CCDC181: variants seen among roughly 807,000 people sequenced by gnomAD.
The protein encoded by CCDC181 is coiled-coil domain containing 181.
In CCDC181, 35 loss-of-function variants were observed where a neutral mutation model predicts 58.7. The observed-to-expected ratio is 0.60, with a 90% CI of 0.46 to 0.79. The LOEUF (loss-of-function observed/expected upper bound fraction) is 0.79. Among genes scored for constraint, CCDC181 ranks in the 30% least tolerant of loss-of-function variants. The pLI, the probability that CCDC181 is intolerant of heterozygous loss-of-function variation, is 0.00. For missense variants in CCDC181, 517 were observed against 583.9 expected, an observed-to-expected ratio of 0.89 and a Z score of 1.18; for synonymous variants, 183 against 197.5, an observed-to-expected ratio of 0.93 and a Z score of 0.62.
At chr1:169,445,370 A>T (rs569112379) in intron 2 of CCDC181, among the ~76,000 whole-genome samples, 1 of 103,114 alleles carries the variant, frequency 9.7e-6, no homozygotes, top group African/African-American at 3.5e-5. Context: ...GTTTTGTCAA[A>T]TGCTTTTTCT....
upstream of CCDC181, among the ~76,000 whole-genome samples, chr1:169,428,304 A>C (rs750324948): frequency 1.2e-4 from 19 of 152,198 alleles, no homozygotes; most frequent in Non-Finnish European, 2.5e-4. Context: ...TCAGCGCTTG[A>C]AAAAAGACGC....
At position 169,422,192 on chromosome 1, in the gene CCDC181, C is replaced by G. The variant is rs1656508920; in HGVS notation, c.239G>C (p.Arg80Thr). The G allele has an allele frequency of 1.2e-6, 2 of 1,613,798 alleles. No homozygotes were observed. The highest frequency in any genetic ancestry group is 1.7e-6 in the Non-Finnish European group (2 of 1,179,876). ...ACCTGGTACAGAAATGATGTCATTT[C>G]TTCTTGGTGAGACCTCATCCTGCAA... Reference protein sequence around the residue: ...KSLQDEVSPRRNDIISVPGIQ... With the variant: ...KSLQDEVSPRTNDIISVPGIQ... The change falls in exon 3 of 6, where the codon AGA becomes ACA. Residue 80 changes from arginine (R) to threonine (T), a missense_variant. Coordinates refer to ENST00000367806, the MANE Select transcript of CCDC181 (RefSeq NM_001300969.2).
intron 4 of CCDC181, among the ~76,000 whole-genome samples, chr1:169,413,187 A>G (rs1571480999): frequency 6.6e-6 from 1 of 152,110 alleles, no homozygotes; most frequent in Non-Finnish European, 1.5e-5. Flanking sequence ...AAAACAAACA[A>G]CCCCATCAAA....
intron 4 of CCDC181, among the ~76,000 whole-genome samples, chr1:169,401,590 T>C (rs1655351711): frequency 6.6e-6 from 1 of 152,240 alleles, no homozygotes; most frequent in Non-Finnish European, 1.5e-5. Context: ...GTGAGGGTCC[T>C]GACTGTTAGA....
At position 169,440,931 on chromosome 1, in the gene CCDC181, T is replaced by TAA. The variant is rs72040890; in HGVS notation, c.-23-15983_-23-15982dup. ...GCCCAGGCAACAGAGCAAGACTGTC[T>TAA]AAAAAAAAAAAAAAGGCAAGATGAG... On this transcript the variant is annotated intron_variant, in intron 2 of 6. Transcript: ENST00000545005. Among the ~76,000 whole-genome samples the TAA allele has an allele frequency of 9.1e-5, 7 of 76,896 alleles. 1 individual carries two copies. Among genetic ancestry groups the TAA allele is most frequent in the Non-Finnish European group, 1.4e-4 (5 of 36,536 alleles). The allele number at this position is 76,896 out of a possible 152,430, so 50.4% of individuals were successfully genotyped here.
At chr1:169,418,446 T>C (rs1354970474) in intron 4 of CCDC181, among the ~76,000 whole-genome samples, 1 of 151,990 alleles carries the variant, frequency 6.6e-6, no homozygotes, top group Non-Finnish European at 1.5e-5. Context: ...TAAAAGTGGT[T>C]ATCACTGGAG....
chr1:169,442,919 A>G (rs1256918053), intron 2 of CCDC181: 1 of 152,034 alleles, frequency 6.6e-6, no homozygotes, highest in African/African-American at 2.4e-5. Flanking sequence ...TTGAGGTAAC[A>G]GTTGAGACTT....
chr1:169,398,800 G>GTGAC (rs1248789501), intron 4 of CCDC181, among the ~76,000 whole-genome samples: 1 of 152,150 alleles, frequency 6.6e-6, no homozygotes, highest in Non-Finnish European at 1.5e-5. Flanking sequence ...ATAAAAATAA[G>GTGAC]TGACTGACTG....
chr1:169,402,394 G>T (rs1655402431), intron 4 of CCDC181, among the ~76,000 whole-genome samples: 1 of 152,100 alleles, frequency 6.6e-6, no homozygotes, highest in African/African-American at 2.4e-5. Context: ...AAATGTTAAG[G>T]GCAGCCAGAG....
intron 4 of CCDC181, among the ~76,000 whole-genome samples, chr1:169,402,488 T>A (rs1176840921): frequency 1.3e-5 from 2 of 151,776 alleles, no homozygotes; most frequent in African/African-American, 4.8e-5. Flanking sequence ...CAGAAGAGAG[T>A]GGGGGCCAAT....
chr1:169,406,995 G>C (rs142179782), intron 4 of CCDC181, among the ~76,000 whole-genome samples: 1 of 146,956 alleles, frequency 6.8e-6, no homozygotes, highest in African/African-American at 2.5e-5. Flanking sequence ...TGAGATAATA[G>C]CAAGTCTTCT....
chr1:169,421,759 T>G lies in CCDC181; in HGVS notation c.672A>C (p.Lys224Asn), dbSNP rs779806265. 2.1e-5 allele frequency: 34 copies of G among 1,614,124 alleles called. No individual in the cohort carries two copies. Among genetic ancestry groups the G allele is most frequent in the Non-Finnish European group, 2.6e-5 (31 of 1,180,020 alleles). ...TGTCTTGTAAATTCAGAAGTTCAAATTTTCCATCTCTCTCTACCAGTATTG... is the reference window on the plus strand; with the variant it reads ...TGTCTTGTAAATTCAGAAGTTCAAAGTTTCCATCTCTCTCTACCAGTATTG... ...DRTILVERDG[K>N]FELLNLQDIA... The change falls in exon 3 of 6, where the codon AAA (lysine) becomes AAC (asparagine). Residue 224 changes from lysine (K) to asparagine (N), a missense_variant. Lys to Asn is a moderately conservative substitution (Grantham distance 94). Transcript: ENST00000367806.
intron 2 of CCDC181, among the ~76,000 whole-genome samples, chr1:169,457,947 T>C (rs1241097356): frequency 2.0e-5 from 3 of 152,146 alleles, no homozygotes; most frequent in Admixed American, 6.6e-5. Context: ...TATATAAATA[T>C]TTAGACAATA....
chr1:169,407,411 G>A (rs1226682834), intron 4 of CCDC181, among the ~76,000 whole-genome samples: 1 of 151,984 alleles, frequency 6.6e-6, no homozygotes, highest in Non-Finnish European at 1.5e-5. Context: ...ATTCTTCGGT[G>A]ATTTTCCACA....
chr1:169,453,435 A>T (rs1657601467), intron 2 of CCDC181, among the ~76,000 whole-genome samples: 1 of 152,126 alleles, frequency 6.6e-6, no homozygotes, highest in African/African-American at 2.4e-5. Flanking sequence ...CTAGATTTTC[A>T]TACAACCCTT....
chr1:169,429,164 A>G (rs1203259777), upstream of CCDC181, among the ~76,000 whole-genome samples: 2 of 152,182 alleles, frequency 1.3e-5, no homozygotes, highest in Admixed American at 6.5e-5. Flanking sequence ...GTAGTATTCC[A>G]TGGTATGTAT....
chr1:169,426,474 G>C (rs1656716998), intron 1 of CCDC181, among the ~76,000 whole-genome samples: 1 of 152,180 alleles, frequency 6.6e-6, no homozygotes, highest in African/African-American at 2.4e-5. Context: ...ACTGTAGTAA[G>C]AGACGGAAAT....
intron 2 of CCDC181, among the ~76,000 whole-genome samples, chr1:169,457,413 A>G (rs1381138087): frequency 1.3e-5 from 2 of 151,982 alleles, no homozygotes; most frequent in African/African-American, 2.4e-5. Context: ...TATATTTTTT[A>G]ATCTCCTATC....
In CCDC181 at chr1:169,445,009, C is replaced by G. The variant is rs534887109; in HGVS notation, c.-24+14788G>C. On this transcript the variant is annotated intron_variant, in intron 2 of 6. Coordinates refer to the CCDC181 transcript ENST00000545005. ...TTCCAAGGTCCTACATAATCAGGCC[C>G]CTTCTCACCCTGTGATCTCACCTCC... Among the ~76,000 whole-genome samples the G allele has an allele frequency of 2.6e-5, 4 of 152,264 alleles. No homozygotes were observed. The South Asian group carries it at 8.3e-4, about 32-fold the overall frequency.
Sources: allele counts gnomAD v4.1 joint callset (sites outside exome capture counted in the v4.1 genomes callset), GRCh38; gene constraint gnomAD v4.1.1; transcripts MANE v1.5; gene names NCBI Gene and HGNC (gene_info 2026-07-23, HGNC 2026-07-21).